The following TAF2 variants were observed in gnomAD, a reference collection of about 807,000 sequenced individuals.
The protein encoded by TAF2 is transcription initiation factor TFIID subunit 2.
TAF2 carries 61 observed loss-of-function variants against 138.5 expected under a neutral mutation model. The ratio of observed to expected loss-of-function variants is 0.44; its 90% CI spans 0.36 to 0.54. The LOEUF is 0.54. TAF2 is among the 20% of genes least tolerant of loss of function. The pLI is 0.00. For synonymous variants in TAF2, 475 were observed against 469.9 expected (o/e 1.01, Z -0.14); for missense variants, 1,090 against 1,427.9 (o/e 0.76, Z 3.81).
chr8:119,750,579 A>ATG (rs1186148546), intron 22 of TAF2, among the ~76,000 whole-genome samples: 12 of 152,060 alleles, frequency 7.9e-5, no homozygotes, highest in South Asian at 2.1e-4. Flanking sequence ...ATTTCTATTT[A>ATG]TGTGTGTGTG....
intron 2 of TAF2, among the ~76,000 whole-genome samples, chr8:119,830,621 C>T (rs905939299): frequency 1.3e-5 from 2 of 152,122 alleles, no homozygotes; most frequent in African/African-American, 2.4e-5. Context: ...AGGAACATTA[C>T]AAATCTAAGA....
intron 2 of TAF2, among the ~76,000 whole-genome samples, chr8:119,828,773 G>C (rs911273586): frequency 6.6e-6 from 1 of 152,124 alleles, no homozygotes; most frequent in African/African-American, 2.4e-5. Context: ...TTTTAGGTGG[G>C]AACAGGGCTG....
At chr8:119,777,438 C>T (rs548263597) in intron 18 of TAF2, among the ~76,000 whole-genome samples, 9 of 152,234 alleles carry the variant, frequency 5.9e-5, no homozygotes, top group South Asian at 2.1e-4. Flanking sequence ...AAGACATCAA[C>T]CATCTTTTCA....
chr8:119,767,659 C>T (rs969136648), intron 18 of TAF2, among the ~76,000 whole-genome samples: 6 of 152,214 alleles, frequency 3.9e-5, no homozygotes, highest in Non-Finnish European at 8.8e-5. Flanking sequence ...CAGGCAGACC[C>T]GGCATTTTCA....
chr8:119,756,716 A>T (rs929755871), intron 21 of TAF2, among the ~76,000 whole-genome samples: 3 of 152,204 alleles, frequency 2.0e-5, no homozygotes, highest in Non-Finnish European at 4.4e-5. Flanking sequence ...AGAGGGTAAC[A>T]TTTAAACTCC....
chr8:119,768,825 T>C (rs1201911109), intron 18 of TAF2, among the ~76,000 whole-genome samples: 2 of 152,150 alleles, frequency 1.3e-5, no homozygotes, highest in Non-Finnish European at 2.9e-5. Context: ...GCTGTCTGTA[T>C]TGGGCTGAGT....
At chr8:119,758,404 C>T (rs555618777) in intron 20 of TAF2, among the ~76,000 whole-genome samples, 10 of 152,208 alleles carry the variant, frequency 6.6e-5, no homozygotes, top group African/African-American at 2.2e-4. Context: ...AAACCAATGG[C>T]AAGCATAACA....
chr8:119,792,203 G>A (rs961654079), intron 10 of TAF2, among the ~76,000 whole-genome samples: 1 of 149,168 alleles, frequency 6.7e-6, no homozygotes, highest in Non-Finnish European at 1.5e-5. Context: ...CCCCAGGCTG[G>A]AGTGCAGTGG....
Position 119,746,831 on chromosome 8 carries a change from C to T in TAF2, c.2982G>A (p.Leu994=). 1 of 1,614,094 alleles carries T rather than the reference C, an allele frequency of 6.2e-7. No individual in the cohort carries two copies. The highest frequency in any genetic ancestry group is 8.5e-7 in the Non-Finnish European group (1 of 1,180,012). ...PSCLPLPELG[L]VLNLKEKKAV... ...CTTTTTTCTCCTTTAGATTAAGAAC[C>T]AACCCAAGCTCTGGCAAGGGTAAAC... is the stretch of plus-strand genomic sequence containing the variant. Residue 994 remains leucine, a synonymous_variant, in exon 23 of 26, where the codon TTG becomes TTA. Transcript: ENST00000378164.
intron 18 of TAF2, among the ~76,000 whole-genome samples, chr8:119,766,185 A>G (rs777494786): frequency 4.6e-5 from 7 of 152,186 alleles, no homozygotes; most frequent in Admixed American, 2.0e-4. Flanking sequence ...AACTATTTCT[A>G]TATTTCTTAA....
At chr8:119,777,499 T>C (rs1822336709) in intron 18 of TAF2, among the ~76,000 whole-genome samples, 1 of 152,158 alleles carries the variant, frequency 6.6e-6, no homozygotes, top group South Asian at 2.1e-4. Flanking sequence ...CTTAAAAACA[T>C]TTGCTGATTG....
intron 6 of TAF2, among the ~76,000 whole-genome samples, chr8:119,801,445 T>C (rs1586478781): frequency 1.3e-5 from 2 of 151,682 alleles, no homozygotes; most frequent in East Asian, 3.9e-4. Context: ...CTTTTTTTTT[T>C]TTTTTTGAGA....
chr8:119,812,776 ATG>A (rs1175141775), intron 3 of TAF2, among the ~76,000 whole-genome samples: 2 of 142,206 alleles, frequency 1.4e-5, no homozygotes, highest in African/African-American at 2.6e-5. Flanking sequence ...TATATGGTGT[ATG>A]TGTGTGTGTA....
chr8:119,825,352 C>A (rs1826030244), intron 2 of TAF2, among the ~76,000 whole-genome samples: 1 of 152,248 alleles, frequency 6.6e-6, no homozygotes, highest in Non-Finnish European at 1.5e-5. Context: ...TAGGCAGTAA[C>A]TAACTTGCTT....
In TAF2 at chr8:119,832,795, G is replaced by T. The variant is rs16893214; in HGVS notation, c.-231C>A. 4.0e-6 allele frequency: 2 copies of T among 493,926 alleles called. No individual in the cohort carries two copies. Among genetic ancestry groups the T allele is most frequent in the Admixed American group, 3.6e-5 (1 of 27,714 alleles). The allele number at this position is 493,926 out of a possible 1,614,324, so 30.6% of individuals were successfully genotyped here. A position where few individuals can be genotyped will look rare whatever the true frequency, so the allele number is the denominator to read the frequency against. ...TTCTGTCACAGAGATGCTCCTCTCC[G>T]CAAGGGCTCGAAGCTACCATCCGCC... On this transcript the variant is annotated 5_prime_UTR_variant, in exon 1 of 26. The change creates a premature stop within an existing upstream ORF in the 5' untranslated region. Transcript: ENST00000378164.
chr8:119,739,888 A>G (rs1313952734), intron 25 of TAF2, among the ~76,000 whole-genome samples: 2 of 151,900 alleles, frequency 1.3e-5, no homozygotes, highest in Admixed American at 6.6e-5. Context: ...GTAAAAGGAA[A>G]TCCATATTTT....
chr8:119,795,290 C>T (rs954430796), intron 9 of TAF2, among the ~76,000 whole-genome samples: 4 of 152,160 alleles, frequency 2.6e-5, no homozygotes, highest in Admixed American at 6.5e-5. Context: ...ACATACCTAA[C>T]GACCAATCTG....
At chr8:119,807,395 T>G (rs1824733367) in intron 3 of TAF2, among the ~76,000 whole-genome samples, 1 of 152,128 alleles carries the variant, frequency 6.6e-6, no homozygotes, top group African/African-American at 2.4e-5. Context: ...AACTTATATG[T>G]GTACATATAC....
intron 20 of TAF2, among the ~76,000 whole-genome samples, chr8:119,758,577 G>A (rs1476050695): frequency 6.6e-6 from 1 of 152,058 alleles, no homozygotes; most frequent in Non-Finnish European, 1.5e-5. Flanking sequence ...TGCCCAAGTG[G>A]CTTCTTCCAT....
Sources: gnomAD v4.1 joint callset for allele counts (sites outside exome capture counted in the v4.1 genomes callset) on GRCh38, gnomAD v4.1.1 for gene constraint, MANE v1.5 for transcripts, NCBI Gene and HGNC (gene_info 2026-07-23, HGNC 2026-07-21) for gene names.